ZFYVE9: variants seen among roughly 807,000 people sequenced by gnomAD.
ZFYVE9 encodes zinc finger FYVE-type containing 9.
In ZFYVE9, 43 loss-of-function variants were observed where a neutral mutation model predicts 126.7. The observed-to-expected ratio is 0.34, with a 90% CI of 0.27 to 0.44. The LOEUF is 0.44. Among genes scored for constraint, ZFYVE9 ranks in the 20% least tolerant of loss-of-function variants. The pLI, the probability that ZFYVE9 is intolerant of heterozygous loss-of-function variation, is 1.00. For missense variants in ZFYVE9, 1,476 were observed against 1,697.0 expected (o/e 0.87, Z 2.29); for synonymous variants, 521 against 597.4 (o/e 0.87, Z 1.87).
At chr1:52,194,363 G>C (rs1039666648) in intron 1 of ZFYVE9, among the ~76,000 whole-genome samples, 2 of 151,844 alleles carry the variant, frequency 1.3e-5, no homozygotes, top group Non-Finnish European at 2.9e-5. Flanking sequence ...TACATAAAAT[G>C]GAAGACCTTC....
chr1:52,294,606 T>G (rs1645955711), intron 11 of ZFYVE9, among the ~76,000 whole-genome samples: 3 of 152,186 alleles, frequency 2.0e-5, no homozygotes, highest in Admixed American at 2.0e-4. Flanking sequence ...AGTGGTATCT[T>G]GTATTAAAAC....
chr1:52,346,157 G>C lies in ZFYVE9; in HGVS notation c.4214G>C (p.Cys1405Ser). 6.2e-7 allele frequency: 1 copy of C among 1,612,984 alleles called. No individual in the cohort carries two copies. The highest frequency in any genetic ancestry group is 1.1e-5 in the South Asian group (1 of 90,982). The change falls in exon 19 of 19, where the codon TGC becomes TCC. Residue 1405 changes from cysteine (C) to serine (S), a missense_variant. Physicochemically the swap from Cys to Ser is moderately radical, Grantham distance 112. Coordinates refer to ENST00000287727, the MANE Select transcript of ZFYVE9 (RefSeq NM_004799.4). ...ALVPVIHGGACQLSEGPVVME... is the reference protein window; with the variant it reads ...ALVPVIHGGASQLSEGPVVME... ...GTGCCGGTGATCCATGGAGGGGCCTGCCAGCTTAGTGAGGGCCCCGTTGTC... is the reference window on the plus strand; with the variant it reads ...GTGCCGGTGATCCATGGAGGGGCCTCCCAGCTTAGTGAGGGCCCCGTTGTC...
intron 13 of ZFYVE9, among the ~76,000 whole-genome samples, chr1:52,321,952 A>G (rs557999933): frequency 6.6e-6 from 1 of 152,314 alleles, no homozygotes; most frequent in Non-Finnish European, 1.5e-5. Context: ...TACTATTTCT[A>G]AGCTGACATC....
In ZFYVE9 at chr1:52,227,907, C is replaced by G. The variant is rs150814001; in HGVS notation, c.-36-5264C>G. On this transcript the variant is annotated intron_variant, in intron 2 of 18. Coordinates refer to ENST00000287727, the MANE Select transcript of ZFYVE9 (RefSeq NM_004799.4). ...TTGCAGCCAGTAATTCTTATTCTTC[C>G]TGCTACCTTTCAAAACCCAGGCTTA... Among the ~76,000 whole-genome samples, 9 of 152,264 alleles carry G rather than the reference C, an allele frequency of 5.9e-5. No individual in the cohort carries two copies. In the East Asian group the frequency reaches 1.7e-3, roughly 29 times the overall value.
intron 10 of ZFYVE9, among the ~76,000 whole-genome samples, chr1:52,282,910 G>C (rs1645818495): frequency 1.3e-5 from 2 of 152,118 alleles, no homozygotes; most frequent in Non-Finnish European, 2.9e-5. Context: ...ACAGAAGCAG[G>C]ATATATAATT....
rs569649093 is a variant in ZFYVE9 at position 52,344,371 on chromosome 1, G to A, written c.3940-397G>A. Reference sequence around the variant, plus strand: ...ACTAATTGTAAAATAAAGCAGCTGGGTCACGTCAGCTATAAGAGCCATTCT... The same window carrying A: ...ACTAATTGTAAAATAAAGCAGCTGGATCACGTCAGCTATAAGAGCCATTCT... On this transcript the variant is annotated intron_variant, in intron 17 of 18. Transcript: ENST00000287727. 3.3e-5 allele frequency among the ~76,000 whole-genome samples: 5 copies of A among 152,330 alleles called. No homozygotes were observed. In the East Asian group the frequency reaches 7.7e-4, roughly 24 times the overall value.
Position 52,263,753 on chromosome 1 carries a change from TCCCCCCCCC to T in ZFYVE9, c.2179-13_2179-5del. ...ATCCCAAGTAAATTTTGTGTGTTCT[TCCCCCCCCC>T]CCCCCCACAGGTTTTCTGTGCTTCC... On this transcript the variant is annotated splice_polypyrimidine_tract_variant and intron_variant, in intron 4 of 18. Transcript: ENST00000287727. 3 of 713,064 alleles carry T rather than the reference TCCCCCCCCC, an allele frequency of 4.2e-6. No individual in the cohort carries two copies. The highest frequency in any genetic ancestry group is 6.1e-6 in the Non-Finnish European group (3 of 490,686). 44.2% of individuals were successfully genotyped at this position (713,064 alleles called of 1,614,324 possible). A position where few individuals can be genotyped will look rare whatever the true frequency, so the allele number is the denominator to read the frequency against.
rs75521964 is a variant in ZFYVE9, at chr1:52,223,048, C to T, written c.-37+6574C>T. On this transcript the variant is annotated intron_variant, in intron 2 of 18. Transcript: ENST00000287727. ...CTGATGGGAGAAAACATAGGGAAAG[C>T]GAGCTGCTCCTGAATCGACTAAGAA... is the stretch of plus-strand genomic sequence containing the variant. Among the ~76,000 whole-genome samples the T allele has an allele frequency of 6.6e-3, 1,003 of 152,124 alleles. 17 individuals are homozygous for T. Among genetic ancestry groups the T allele is most frequent in the African/African-American group, 0.023 (942 of 41,492 alleles).
At chr1:52,301,826 A>T (rs964248513) in intron 12 of ZFYVE9, among the ~76,000 whole-genome samples, 1 of 151,982 alleles carries the variant, frequency 6.6e-6, no homozygotes, top group Non-Finnish European at 1.5e-5. Context: ...AAATTGTTTC[A>T]CGTCTTACTA....
chr1:52,147,232 A>G (rs1644313875), intron 1 of ZFYVE9, among the ~76,000 whole-genome samples: 1 of 152,202 alleles, frequency 6.6e-6, no homozygotes, highest in African/African-American at 2.4e-5. Context: ...CAAATTAATT[A>G]ATACTTATAT....
At chr1:52,216,978 T>G (rs1645077480) in intron 2 of ZFYVE9, among the ~76,000 whole-genome samples, 1 of 152,244 alleles carries the variant, frequency 6.6e-6, no homozygotes, top group African/African-American at 2.4e-5. Flanking sequence ...GTTGTTTTTT[T>G]TCAAGTCTTA....
chr1:52,293,916 C>T (rs1645949134), intron 11 of ZFYVE9, among the ~76,000 whole-genome samples: 2 of 152,130 alleles, frequency 1.3e-5, no homozygotes, highest in African/African-American at 4.8e-5. Flanking sequence ...ATAAAAAACA[C>T]GATCATCTTT....
chr1:52,207,442 G>T (rs1644988563), intron 1 of ZFYVE9, among the ~76,000 whole-genome samples: 1 of 152,110 alleles, frequency 6.6e-6, no homozygotes, highest in African/African-American at 2.4e-5. Context: ...TGTGAAAGAT[G>T]CCAGATGGAT....
At chr1:52,257,030 T>G (rs1645528592) in intron 4 of ZFYVE9, among the ~76,000 whole-genome samples, 1 of 152,218 alleles carries the variant, frequency 6.6e-6, no homozygotes, top group African/African-American at 2.4e-5. Flanking sequence ...ATTTGATGAT[T>G]TGAATTTTCA....
At chr1:52,320,967 A>G (rs1478032443) in intron 13 of ZFYVE9, among the ~76,000 whole-genome samples, 2 of 152,200 alleles carry the variant, frequency 1.3e-5, no homozygotes. Context: ...GAGTTAACCT[A>G]TCGAAGTCTC....
At chr1:52,240,680 A>G (rs957699461) in intron 4 of ZFYVE9, among the ~76,000 whole-genome samples, 2 of 152,176 alleles carry the variant, frequency 1.3e-5, no homozygotes, top group African/African-American at 4.8e-5. Flanking sequence ...AGAAGATAGT[A>G]TCTCAGTTCT....
intron 1 of ZFYVE9, among the ~76,000 whole-genome samples, chr1:52,176,084 G>T (rs1303695554): frequency 6.6e-6 from 1 of 152,160 alleles, no homozygotes; most frequent in Non-Finnish European, 1.5e-5. Context: ...GCTTTTTAGA[G>T]TTTCCAGTTT....
intron 3 of ZFYVE9, among the ~76,000 whole-genome samples, chr1:52,235,606 T>A (rs1645266176): frequency 6.6e-6 from 1 of 152,208 alleles, no homozygotes; most frequent in Non-Finnish European, 1.5e-5. Context: ...ATCTGAGTTT[T>A]GTGCCCTTTT....
chr1:52,259,364 A>G (rs190457116), intron 4 of ZFYVE9, among the ~76,000 whole-genome samples: 1 of 152,258 alleles, frequency 6.6e-6, no homozygotes, highest in Admixed American at 6.5e-5. Flanking sequence ...TTTGTGGGGG[A>G]TACAGTTCAA....
Sources: allele counts gnomAD v4.1 joint callset (sites outside exome capture counted in the v4.1 genomes callset), GRCh38; gene constraint gnomAD v4.1.1; transcripts MANE v1.5; gene names NCBI Gene and HGNC (gene_info 2026-07-23, HGNC 2026-07-21).